DNAH17: variants seen among roughly 807,000 people sequenced by gnomAD.
DNAH17 encodes the protein dynein axonemal heavy chain 17.
DNAH17 carries 376 observed loss-of-function variants against 485.6 expected under a neutral mutation model. The ratio of observed to expected loss-of-function variants is 0.77; its 90% confidence interval spans 0.71 to 0.84. DNAH17 has a LOEUF of 0.84. Among genes scored for constraint, DNAH17 ranks in the 40% least tolerant of loss-of-function variants. DNAH17 has a pLI of 0.00. For missense variants in DNAH17, 6,370 were observed against 5,839.3 expected, an observed-to-expected ratio of 1.09 and a Z score of -2.96; for synonymous variants, 3,031 against 2,405.9, an observed-to-expected ratio of 1.26 and a Z score of -7.60.
chr17:78,470,589 T>C (rs1012656939), intron 54 of DNAH17, among the ~76,000 whole-genome samples: 2 of 152,064 alleles, frequency 1.3e-5, no homozygotes, highest in Admixed American at 1.3e-4. Flanking sequence ...CTTGGGAAGC[T>C]GAGGCAGGAG....
In DNAH17 at chr17:78,543,936, A is replaced by G; in HGVS notation, c.2453T>C (p.Leu818Ser). 14 of 1,614,030 alleles carry G rather than the reference A, an allele frequency of 8.7e-6. No homozygotes were observed. The highest frequency in any genetic ancestry group is 1.0e-5 in the Non-Finnish European group (12 of 1,179,896). The change falls in exon 17 of 81, where the codon TTG (leucine) becomes TCG (serine). Residue 818 changes from leucine (L) to serine (S), a missense_variant. By Grantham distance (145) the Leu-to-Ser change is moderately radical. Coordinates refer to ENST00000389840, the MANE Select transcript of DNAH17 (RefSeq NM_173628.4). ...KDNKKEALLD[L>S]DGRIANLNKR... Reference sequence around the variant, plus strand: ...GTTGAGGTTGGCAATTCTTCCATCCAAGTCTAACAGGGCCTCTTTCTTATT... The same window carrying G: ...GTTGAGGTTGGCAATTCTTCCATCCGAGTCTAACAGGGCCTCTTTCTTATT...
In DNAH17 at chr17:78,543,862, C is replaced by T. The variant is rs748826908; in HGVS notation, c.2527G>A (p.Val843Ile). Residue 843 changes from valine (V) to isoleucine (I), a missense_variant, in exon 17 of 81, where the codon GTT (valine) becomes ATT (isoleucine). By Grantham distance (29) the Val-to-Ile change is conservative. Transcript: ENST00000389840. ...CCTCCTGGGTGTTTCCTTACTGCAA[C>T]CATGGCTTGGATCTTCACTCCAGCA... The part of the protein sequence containing the change: ...RDAGVKIQAM[V>I]AENAELFRAD... 5 of 1,613,924 alleles carry T rather than the reference C, an allele frequency of 3.1e-6. No individual in the cohort carries two copies. The highest frequency in any genetic ancestry group is 1.3e-5 in the African/African-American group (1 of 74,936).
rs1184641592 is a variant in DNAH17 at position 78,539,779 on chromosome 17, A to G, written c.2634T>C (p.Ile878=). 6.2e-7 allele frequency: 1 copy of G among 1,611,942 alleles called. No homozygotes were observed. Among genetic ancestry groups the G allele is most frequent in the South Asian group, 1.1e-5 (1 of 90,854 alleles). Residue 878 remains isoleucine (I), a synonymous_variant, in exon 18 of 81, where the codon ATT becomes ATC. Transcript: ENST00000389840. ...DMVLDEFDQF[I]RKSLSFLMDN... is the part of the protein sequence containing the mutation. ...CCATTAGGAAACTCAGAGATTTGCGAATGAACTGGTCAAATTCATCTAAGA... is the reference window on the plus strand; with the variant it reads ...CCATTAGGAAACTCAGAGATTTGCGGATGAACTGGTCAAATTCATCTAAGA...
At chr17:78,506,671 T>A in intron 30 of DNAH17, 49 bp downstream of exon 30, 1 of 1,611,342 alleles carries the variant, frequency 6.2e-7, no homozygotes, top group Non-Finnish European at 8.5e-7. Flanking sequence ...CCACCTGGGG[T>A]CTGGCATGAT....
intron 48 of DNAH17, among the ~76,000 whole-genome samples, chr17:78,481,755 C>G (rs1411553916): frequency 6.6e-6 from 1 of 152,190 alleles, no homozygotes; most frequent in African/African-American, 2.4e-5. Context: ...TGGCTCATGC[C>G]TGTAATCCTA....
intron 44 of DNAH17, among the ~76,000 whole-genome samples, chr17:78,487,261 T>C (rs186469424): frequency 1.7e-3 from 256 of 152,320 alleles, no homozygotes; most frequent in Non-Finnish European, 2.6e-3. Flanking sequence ...TGGTTTCTCA[T>C]CTGTAAACAG....
At chr17:78,515,155 TCAGTAAAG>T in intron 25 of DNAH17, 133 bp from the exon 26 acceptor site, 1 of 1,049,162 alleles carries the variant, frequency 9.5e-7, no homozygotes, top group Non-Finnish European at 1.4e-6. Flanking sequence ...ATACCCGAGA[TCAGTAAAG>T]TGATTAGATA....
intron 25 of DNAH17, among the ~76,000 whole-genome samples, chr17:78,520,738 T>C (rs1444766063): frequency 1.3e-5 from 2 of 152,086 alleles, no homozygotes; most frequent in Non-Finnish European, 2.9e-5. Context: ...AAGAGCCAAA[T>C]AAATGGAGAG....
Position 78,459,972 on chromosome 17 carries a change from C to A in DNAH17, c.9465G>T (p.Gly3155=). The A allele has an allele frequency of 6.2e-7, 1 of 1,613,210 alleles. No individual in the cohort carries two copies. The highest frequency in any genetic ancestry group is 1.3e-5 in the African/African-American group (1 of 75,008). The change falls in exon 60 of 81, where the codon GGG becomes GGT. Residue 3155 remains glycine, a synonymous_variant. Transcript: ENST00000389840. ...KNNLTELKSF[G]SPPDAVVNVT... Reference sequence around the variant, plus strand: ...CGTTGACCACAGCATCCGGCGGGGACCCAAAGGACTTCAGCTCTGTCAGGT... The same window carrying A: ...CGTTGACCACAGCATCCGGCGGGGAACCAAAGGACTTCAGCTCTGTCAGGT...
chr17:78,558,197 G>A lies in DNAH17; in HGVS notation c.2089C>T (p.Pro697Ser). 1 of 1,613,838 alleles carries A rather than the reference G, an allele frequency of 6.2e-7. No homozygotes were observed. The highest frequency in any genetic ancestry group is 1.1e-5 in the South Asian group (1 of 91,014). ...YLNFQQQKEI[P>S]DSAESLFSEN... ...GAGAACAGACTCTCCGCACTGTCTG[G>A]AATCTCTTTCTGTTGCTGGAAATTC... The change falls in exon 14 of 81, where the codon CCA becomes TCA. Residue 697 changes from proline (P) to serine (S), a missense_variant. Coordinates refer to ENST00000389840, the MANE Select transcript of DNAH17 (RefSeq NM_173628.4).
intron 48 of DNAH17, among the ~76,000 whole-genome samples, chr17:78,482,210 G>A (rs960813126): frequency 1.1e-4 from 16 of 151,214 alleles, no homozygotes; most frequent in Admixed American, 8.0e-4. Context: ...ACACTACCAT[G>A]CCCGGCTAAG....
At chr17:78,461,228 G>A (rs1040015851) in intron 58 of DNAH17, among the ~76,000 whole-genome samples, 6 of 152,156 alleles carry the variant, frequency 3.9e-5, no homozygotes, top group African/African-American at 1.4e-4. Context: ...AGGCCCCATT[G>A]AGCAGAGCTG....
rs71160294 is a variant in DNAH17, at chr17:78,425,756, CTTTTTTTTTTT to C, written c.12916-196_12916-186del. Among the ~76,000 whole-genome samples the C allele has an allele frequency of 3.1e-3, 371 of 120,682 alleles. 1 individual carries two copies. The highest frequency in any genetic ancestry group is 6.9e-3 in the East Asian group (32 of 4,640). 79.2% of individuals were successfully genotyped at this position (120,682 alleles called of 152,430 possible). On this transcript the variant is annotated intron_variant, in intron 79 of 80. Transcript: ENST00000389840. ...TACCATGACGCAACTTTGGTGTCTG[CTTTTTTTTTTT>C]TTTTTTTTTTTTTTTTGAGATGAAG... is the stretch of plus-strand genomic sequence containing the variant.
chr17:78,453,260 G>A, intron 65 of DNAH17, 83 bp downstream of exon 65: 2 of 1,536,754 alleles, frequency 1.3e-6, no homozygotes, highest in Non-Finnish European at 1.8e-6. Flanking sequence ...GAAATTCCGG[G>A]CGTTTTCTCT....
intron 69 of DNAH17, among the ~76,000 whole-genome samples, chr17:78,446,968 T>C (rs920168595): frequency 4.6e-5 from 7 of 152,038 alleles, no homozygotes; most frequent in Non-Finnish European, 8.8e-5. Flanking sequence ...AGACAGGGTG[T>C]TGCTCTGTTG....
chr17:78,445,738 G>C (rs1050413356), intron 69 of DNAH17, 58 bp from the exon 70 acceptor site: 39 of 1,553,496 alleles, frequency 2.5e-5, no homozygotes, highest in Non-Finnish European at 3.3e-5. Context: ...CAGCAGCCCT[G>C]AAGATGCGCG....
intron 74 of DNAH17, among the ~76,000 whole-genome samples, chr17:78,434,686 C>A (rs960311080): frequency 6.6e-6 from 1 of 151,812 alleles, no homozygotes; most frequent in South Asian, 2.1e-4. Flanking sequence ...GGGATGGGGT[C>A]GCTTCTCAAA....
At chr17:78,517,874 A>G (rs900387164) in intron 25 of DNAH17, among the ~76,000 whole-genome samples, 8 of 152,238 alleles carry the variant, frequency 5.3e-5, no homozygotes, top group African/African-American at 1.9e-4. Context: ...GAGGAAATAC[A>G]TAAGACAGTT....
intron 54 of DNAH17, 145 bp from the exon 55 acceptor site, chr17:78,469,028 A>G (rs999065775): frequency 1.9e-6 from 2 of 1,037,374 alleles, no homozygotes; most frequent in Non-Finnish European, 2.7e-6. Flanking sequence ...CAATGGCACA[A>G]TCTCGGCTCA....
Sources: gnomAD v4.1 joint callset for allele counts (sites outside exome capture counted in the v4.1 genomes callset) on GRCh38, gnomAD v4.1.1 for gene constraint, MANE v1.5 for transcripts, NCBI Gene and HGNC (gene_info 2026-07-23, HGNC 2026-07-21) for gene names.